Variants in TRIB3 observed in about 807,000 individuals in gnomAD.
TRIB3 encodes the protein tribbles pseudokinase 3, also known as tribbles homolog 3.
Under a neutral mutation model 16.6 loss-of-function variants are expected in TRIB3, and 20 were observed. The ratio of observed to expected loss-of-function variants is 1.20; its 90% confidence interval spans 0.85 to 1.75. The LOEUF (loss-of-function observed/expected upper bound fraction) is 1.75, where lower values mean the gene tolerates loss of function less well. Ranked by LOEUF, TRIB3 falls within the 40% of genes most tolerant of loss-of-function variation. The probability of loss-of-function intolerance (pLI) is 0.00; values close to 1 mark genes in which losing one functional copy is unlikely to be tolerated. For synonymous variants in TRIB3, 208 were observed against 217.0 expected, an observed-to-expected ratio of 0.96 and a Z score of 0.36; for missense variants, 484 against 488.9, an observed-to-expected ratio of 0.99 and a Z score of 0.10.
At chr20:386,813 C>T (rs909469189) in intron 1 of TRIB3, among the ~76,000 whole-genome samples, 14 of 151,890 alleles carry the variant, frequency 9.2e-5, no homozygotes, top group African/African-American at 1.9e-4. Context: ...CCTCATGATC[C>T]ACCACCTTGG....
intron 2 of TRIB3, among the ~76,000 whole-genome samples, chr20:389,523 C>T (rs1020391459): frequency 1.5e-4 from 23 of 152,148 alleles, no homozygotes; most frequent in Admixed American, 9.2e-4. Context: ...CAGTGAACAG[C>T]GGGGCAGATC....
Position 396,276 on chromosome 20 carries a change from G to C in TRIB3, c.663G>C (p.Ala221=). 1 of 1,613,882 alleles carries C rather than the reference G, an allele frequency of 6.2e-7. No individual in the cohort carries two copies. The highest frequency in any genetic ancestry group is 8.5e-7 in the Non-Finnish European group (1 of 1,180,024). ...ATGATTCCCTGTGGGACAAGCACGCGTGCCCAGCCTACGTGGGACCTGAGA... is the reference window on the plus strand; with the variant it reads ...ATGATTCCCTGTGGGACAAGCACGCCTGCCCAGCCTACGTGGGACCTGAGA... The part of the protein sequence containing the change: ...GPDDSLWDKH[A]CPAYVGPEIL... The change falls in exon 4 of 4, where the codon GCG becomes GCC. Residue 221 remains alanine (A), a synonymous_variant. Coordinates refer to ENST00000217233, the MANE Select transcript of TRIB3 (RefSeq NM_021158.5).
At chr20:391,672 A>G in intron 3 of TRIB3, 93 bp downstream of exon 3, 1 of 1,474,032 alleles carries the variant, frequency 6.8e-7, no homozygotes, top group Non-Finnish European at 9.0e-7. Flanking sequence ...AAGGTAACTT[A>G]GGCAAGAAGT....
intron 1 of TRIB3, among the ~76,000 whole-genome samples, chr20:384,267 G>T (rs911318134): frequency 8.5e-5 from 13 of 152,118 alleles, no homozygotes; most frequent in African/African-American, 3.1e-4. Flanking sequence ...CACTGCCTTT[G>T]GATAATTCCA....
intron 2 of TRIB3, 69 bp downstream of exon 2, chr20:388,370 C>T: frequency 1.3e-6 from 2 of 1,515,584 alleles, no homozygotes; most frequent in Non-Finnish European, 1.8e-6. Flanking sequence ...CAAAGGATTG[C>T]CAGGGTGCAG....
rs768331926 is a variant in TRIB3, at chr20:391,313, C to T, written c.318C>T (p.Ala106=). Residue 106 remains alanine, a synonymous_variant, in exon 3 of 4, where the codon GCC becomes GCT. Coordinates refer to ENST00000217233, the MANE Select transcript of TRIB3 (RefSeq NM_021158.5). Reference sequence around the variant, plus strand: ...TGTACCCCGTCCAGGAAGCCCTGGCCGTGCTGGAGCCCTATGCGCGGCTGC... The same window carrying T: ...TGTACCCCGTCCAGGAAGCCCTGGCTGTGCTGGAGCCCTATGCGCGGCTGC... ...CKVYPVQEAL[A]VLEPYARLPP... 12 of 1,612,746 alleles carry T rather than the reference C, an allele frequency of 7.4e-6. No homozygotes were observed. Among genetic ancestry groups the T allele is most frequent in the East Asian group, 4.5e-5 (2 of 44,900 alleles).
In TRIB3 at chr20:388,287, G is replaced by A. The variant is rs746989582; in HGVS notation, c.277G>A (p.Glu93Lys). ...YQALHCPTGT[E>K]YTCKVYPVQE... ...GGCCCTGCACTGCCCTACAGGCACTGAGTATACCTGCAAGGTACGTGCCCA... is the reference window on the plus strand; with the variant it reads ...GGCCCTGCACTGCCCTACAGGCACTAAGTATACCTGCAAGGTACGTGCCCA... The change falls in exon 2 of 4, where the codon GAG becomes AAG. Residue 93 changes from glutamate to lysine, a missense_variant. Coordinates refer to ENST00000217233, the MANE Select transcript of TRIB3 (RefSeq NM_021158.5). 6.2e-7 allele frequency: 1 copy of A among 1,609,594 alleles called. No homozygotes were observed. The highest frequency in any genetic ancestry group is 8.5e-7 in the Non-Finnish European group (1 of 1,177,516).
At chr20:386,519 C>T (rs2014813725) in intron 1 of TRIB3, among the ~76,000 whole-genome samples, 1 of 152,164 alleles carries the variant, frequency 6.6e-6, no homozygotes, top group South Asian at 2.1e-4. Flanking sequence ...AGCGATTCTC[C>T]TGCCTCAGCC....
At chr20:394,105 A>G (rs1213425086) in intron 3 of TRIB3, among the ~76,000 whole-genome samples, 3 of 143,496 alleles carry the variant, frequency 2.1e-5, no homozygotes, top group Non-Finnish European at 4.5e-5. Flanking sequence ...ATCTCGGCTC[A>G]CTGCAACCTC....
rs1409834523 is a variant in TRIB3 at position 380,760 on chromosome 20, A to G, written c.-410A>G. The G allele has an allele frequency of 1.3e-5, 2 of 151,592 alleles. No individual in the cohort carries two copies. The highest frequency in any genetic ancestry group is 2.4e-5 in the African/African-American group (1 of 41,194). The allele number at this position is 151,592 out of a possible 1,614,324, so 9.4% of individuals were successfully genotyped here. A position where few individuals can be genotyped will look rare whatever the true frequency, so the allele number is the denominator to read the frequency against. ...TCCGTGGCTGATGTCTGCACTGACCAGACGCCCCTAGGGGGCCAGCGAGGG... is the reference window on the plus strand; with the variant it reads ...TCCGTGGCTGATGTCTGCACTGACCGGACGCCCCTAGGGGGCCAGCGAGGG... On this transcript the variant is annotated 5_prime_UTR_variant, in exon 1 of 4. Coordinates refer to ENST00000217233, the MANE Select transcript of TRIB3 (RefSeq NM_021158.5).
In TRIB3 at chr20:391,295, C is replaced by T. The variant is rs745664460; in HGVS notation, c.300C>T (p.Pro100=). The T allele has an allele frequency of 2.9e-5, 46 of 1,611,754 alleles. No homozygotes were observed. The highest frequency in any genetic ancestry group is 1.7e-4 in the Middle Eastern group (1 of 5,892). ...CCATGCTCTGCCCACAGGTGTACCC[C>T]GTCCAGGAAGCCCTGGCCGTGCTGG... The part of the protein sequence containing the change: ...TGTEYTCKVY[P]VQEALAVLEP... Residue 100 remains proline (P), a synonymous_variant, in exon 3 of 4, where the codon CCC becomes CCT. Coordinates refer to ENST00000217233, the MANE Select transcript of TRIB3 (RefSeq NM_021158.5).
chr20:391,047 G>A lies in TRIB3; in HGVS notation c.292-240G>A, dbSNP rs112427780. 6.1e-5 allele frequency among the ~76,000 whole-genome samples: 9 copies of A among 146,906 alleles called. No homozygotes were observed. The East Asian group carries it at 1.0e-3, about 16-fold the overall frequency. ...AAAGCACAGACAGTGGAGTGCATAC[G>A]TGCAAATCTCAGCCGTGCTGTTTGC... On this transcript the variant is annotated intron_variant, in intron 2 of 3. Transcript: ENST00000217233.
At chr20:391,827 GC>G (rs1332190025) in intron 3 of TRIB3, among the ~76,000 whole-genome samples, 3 of 152,126 alleles carry the variant, frequency 2.0e-5, no homozygotes, top group African/African-American at 7.2e-5. Flanking sequence ...TTCGAGACCA[GC>G]CTGGCCAACA....
intron 1 of TRIB3, among the ~76,000 whole-genome samples, chr20:382,889 C>T (rs1268744478): frequency 1.3e-5 from 2 of 152,240 alleles, no homozygotes; most frequent in African/African-American, 4.8e-5. Context: ...TCCAAGGCAG[C>T]TCTTCCATTT....
In TRIB3 at chr20:388,301, G is replaced by C. The variant is rs1336064257; in HGVS notation, c.291G>C (p.Lys97Asn). The part of the protein sequence containing the change: ...HCPTGTEYTC[K>N]VYPVQEALAV... ...CTACAGGCACTGAGTATACCTGCAA[G>C]GTACGTGCCCATGGGCGGCTGTCCC... The change falls in exon 2 of 4, where the codon AAG (lysine) becomes AAC (asparagine). Residue 97 changes from lysine (K) to asparagine (N), a missense_variant and splice_region_variant. By Grantham distance (94) the Lys-to-Asn change is moderately conservative (BLOSUM62 0). Coordinates refer to ENST00000217233, the MANE Select transcript of TRIB3 (RefSeq NM_021158.5). The C allele has an allele frequency of 3.1e-6, 5 of 1,597,560 alleles. No homozygotes were observed. The highest frequency in any genetic ancestry group is 4.3e-6 in the Non-Finnish European group (5 of 1,169,130).
At position 396,292 on chromosome 20, in the gene TRIB3, G is replaced by C; in HGVS notation, c.679G>C (p.Gly227Arg). 6.2e-7 allele frequency: 1 copy of C among 1,613,920 alleles called. No individual in the cohort carries two copies. The highest frequency in any genetic ancestry group is 1.1e-5 in the South Asian group (1 of 91,086). The change falls in exon 4 of 4, where the codon GGA becomes CGA. Residue 227 changes from glycine to arginine, a missense_variant. By Grantham distance (125) the Gly-to-Arg change is moderately radical. Coordinates refer to ENST00000217233, the MANE Select transcript of TRIB3 (RefSeq NM_021158.5). ...CAAGCACGCGTGCCCAGCCTACGTGGGACCTGAGATACTCAGCTCACGGGC... is the reference window on the plus strand; with the variant it reads ...CAAGCACGCGTGCCCAGCCTACGTGCGACCTGAGATACTCAGCTCACGGGC... ...WDKHACPAYV[G>R]PEILSSRASY...
intron 1 of TRIB3, among the ~76,000 whole-genome samples, chr20:386,569 C>T (rs371652691): frequency 1.4e-4 from 21 of 151,394 alleles, no homozygotes; most frequent in East Asian, 1.4e-3. Flanking sequence ...CCACCACGCC[C>T]GGCTAATTTT....
At chr20:385,149 G>A (rs1336958851) in intron 1 of TRIB3, among the ~76,000 whole-genome samples, 1 of 152,082 alleles carries the variant, frequency 6.6e-6, no homozygotes, top group Non-Finnish European at 1.5e-5. Context: ...TTTCACTCTT[G>A]TCGCCCAGGC....
Position 382,126 on chromosome 20 carries a change from T to TGTGTGTGTGC in TRIB3, c.-1+958_-1+959insTGTGTGTGCG, listed in dbSNP as rs1374416475. ...GTGTGTGTGTGTGTGTGTGTGTGTG[T>TGTGTGTGTGC]GCGTGCGCGCGCGCGCTTGCGCTTG... On this transcript the variant is annotated intron_variant, in intron 1 of 3. Transcript: ENST00000217233. Among the ~76,000 whole-genome samples the TGTGTGTGTGC allele has an allele frequency of 1.9e-3, 156 of 83,946 alleles. 1 individual carries two copies. The highest frequency in any genetic ancestry group is 6.2e-3 in the Middle Eastern group (1 of 162). The allele number at this position is 83,946 out of a possible 152,430, so 55.1% of individuals were successfully genotyped here.
Sources: gnomAD v4.1 joint callset for allele counts (sites outside exome capture counted in the v4.1 genomes callset) on GRCh38, gnomAD v4.1.1 for gene constraint, MANE v1.5 for transcripts, NCBI Gene and HGNC (gene_info 2026-07-23, HGNC 2026-07-21) for gene names.